Variants in STN1 observed in about 807,000 individuals in gnomAD.
STN1 encodes the protein CST complex subunit STN1.
STN1 carries 29 observed loss-of-function variants against 45.5 expected under a neutral mutation model. The ratio of observed to expected loss-of-function variants is 0.64; its 90% CI spans 0.47 to 0.87. The LOEUF (loss-of-function observed/expected upper bound fraction) is 0.87, where lower values mean the gene tolerates loss of function less well. Among genes scored for constraint, STN1 ranks in the 40% least tolerant of loss-of-function variants. The pLI, the probability that STN1 is intolerant of heterozygous loss-of-function variation, is 0.00. For synonymous variants in STN1, 148 were observed against 159.0 expected (o/e 0.93, Z 0.52); for missense variants, 376 against 441.4 (o/e 0.85, Z 1.33).
At chr10:103,887,177 T>A (rs544178989) in intron 9 of STN1, among the ~76,000 whole-genome samples, 72 of 152,354 alleles carry the variant, frequency 4.7e-4, no homozygotes, top group African/African-American at 1.7e-3. Context: ...TGTAACAGCA[T>A]GCTGTCCAGC....
At chr10:103,888,973 G>A (rs929309651) in intron 9 of STN1, 99 bp downstream of exon 9, 5 of 816,474 alleles carry the variant, frequency 6.1e-6, no homozygotes, top group Non-Finnish European at 8.4e-6. Context: ...TCACTACTGG[G>A]AAAAGTCCCG....
At chr10:103,890,758 A>C (rs1190008975) in intron 8 of STN1, among the ~76,000 whole-genome samples, 2 of 152,242 alleles carry the variant, frequency 1.3e-5, no homozygotes, top group Non-Finnish European at 2.9e-5. Flanking sequence ...ATCTCTCTAA[A>C]GAGGGGAGTC....
At position 103,900,052 on chromosome 10, in the gene STN1, T is replaced by C. The variant is rs1437465339; in HGVS notation, c.457+10A>G. 1 of 1,612,766 alleles carries C rather than the reference T, an allele frequency of 6.2e-7. No individual in the cohort carries two copies. Among genetic ancestry groups the C allele is most frequent in the Non-Finnish European group, 8.5e-7 (1 of 1,179,170 alleles). On this transcript the variant is annotated intron_variant, in intron 5 of 9. Coordinates refer to ENST00000224950, the MANE Select transcript of STN1 (RefSeq NM_024928.5). The stretch of plus-strand genomic sequence containing the variant: ...AAACCACCAATTTGGTAGAAATATC[T>C]TGTGCTTACAGTAAGTGGTGGCATG...
At chr10:103,897,996 C>A (rs958823340) in intron 6 of STN1, among the ~76,000 whole-genome samples, 2 of 151,992 alleles carry the variant, frequency 1.3e-5, no homozygotes, top group Non-Finnish European at 2.9e-5. Context: ...AAAATGGAAA[C>A]CCACAAAATC....
chr10:103,915,302 A>C (rs1589504599), intron 2 of STN1, among the ~76,000 whole-genome samples: 1 of 152,288 alleles, frequency 6.6e-6, no homozygotes. Flanking sequence ...CCCTTCCCAA[A>C]GGGTCAGACT....
chr10:103,908,115 C>T (rs948380940), intron 3 of STN1, among the ~76,000 whole-genome samples: 49 of 139,192 alleles, frequency 3.5e-4, no homozygotes, highest in Middle Eastern at 3.6e-3. Flanking sequence ...GGCCACAGAG[C>T]GAGACTCCAT....
chr10:103,895,973 C>T (rs754181312), intron 7 of STN1, among the ~76,000 whole-genome samples: 11 of 152,110 alleles, frequency 7.2e-5, no homozygotes, highest in South Asian at 2.1e-4. Flanking sequence ...TAGTATACTA[C>T]GCCATGCTAC....
intron 2 of STN1, among the ~76,000 whole-genome samples, chr10:103,912,048 G>A (rs1451260070): frequency 6.6e-6 from 1 of 152,074 alleles, no homozygotes; most frequent in African/African-American, 2.4e-5. Context: ...GTTGGAGATT[G>A]TCCTCAGGAC....
rs1843068354 is a variant in STN1, at chr10:103,881,477, G to C, written c.*1207C>G. Among the ~76,000 whole-genome samples the C allele has an allele frequency of 6.6e-6, 1 of 152,180 alleles. No individual in the cohort carries two copies. Among genetic ancestry groups the C allele is most frequent in the Admixed American group, 6.5e-5 (1 of 15,288 alleles). On this transcript the variant is annotated 3_prime_UTR_variant, in exon 10 of 10. Coordinates refer to ENST00000224950, the MANE Select transcript of STN1 (RefSeq NM_024928.5). ...ATAATCACTGTTAGAAATCAGCAAA[G>C]GTTTGCATCATTACAAAAGTCTATG... is the stretch of plus-strand genomic sequence containing the variant.
intron 9 of STN1, among the ~76,000 whole-genome samples, chr10:103,886,922 C>T (rs574578692): frequency 2.0e-5 from 3 of 152,332 alleles, no homozygotes; most frequent in African/African-American, 4.8e-5. Context: ...CTCACAATGC[C>T]GCCACATTGC....
intron 3 of STN1, among the ~76,000 whole-genome samples, chr10:103,907,409 A>G (rs765577345): frequency 2.6e-5 from 4 of 152,252 alleles, no homozygotes; most frequent in Non-Finnish European, 4.4e-5. Context: ...GACAGAAATG[A>G]TTTTAAGACT....
chr10:103,903,088 C>T (rs1843219784), intron 4 of STN1, among the ~76,000 whole-genome samples: 1 of 152,162 alleles, frequency 6.6e-6, no homozygotes, highest in Admixed American at 6.5e-5. Context: ...CAGGGGTCTG[C>T]AAACTATAGC....
chr10:103,909,943 A>G (rs1308998757), intron 3 of STN1, among the ~76,000 whole-genome samples: 2 of 152,244 alleles, frequency 1.3e-5, no homozygotes, highest in African/African-American at 4.8e-5. Context: ...AAGACCTATT[A>G]CACTAAAATC....
At chr10:103,911,731 T>G (rs970379504) in intron 2 of STN1, among the ~76,000 whole-genome samples, 3 of 152,230 alleles carry the variant, frequency 2.0e-5, no homozygotes, top group African/African-American at 7.2e-5. Flanking sequence ...CCTCAGGCAT[T>G]TGGCCATTCT....
intron 2 of STN1, among the ~76,000 whole-genome samples, chr10:103,913,142 G>A (rs1274215666): frequency 6.6e-6 from 1 of 152,214 alleles, no homozygotes; most frequent in Non-Finnish European, 1.5e-5. Context: ...TGGAACAAAA[G>A]GTATTCTTCC....
chr10:103,890,773 G>C (rs1445332406), intron 8 of STN1, among the ~76,000 whole-genome samples: 2 of 152,196 alleles, frequency 1.3e-5, no homozygotes, highest in Non-Finnish European at 2.9e-5. Context: ...GGAGTCACTA[G>C]GGTAAATCAA....
At chr10:103,885,237 A>C (rs1843095933) in intron 9 of STN1, among the ~76,000 whole-genome samples, 1 of 152,210 alleles carries the variant, frequency 6.6e-6, no homozygotes, top group Admixed American at 6.5e-5. Context: ...CAAGAAGAAA[A>C]GCCTCTCAAG....
intron 8 of STN1, among the ~76,000 whole-genome samples, chr10:103,891,385 G>A (rs1041999104): frequency 1.3e-5 from 2 of 152,202 alleles, no homozygotes; most frequent in South Asian, 2.1e-4. Context: ...AAGGTACAGA[G>A]CATTATTTAG....
intron 2 of STN1, among the ~76,000 whole-genome samples, chr10:103,911,793 G>A (rs375897143): frequency 1.3e-5 from 2 of 152,208 alleles, no homozygotes; most frequent in East Asian, 1.9e-4. Context: ...TTCATGGGGG[G>A]ACCTGTGGCC....
Sources: gnomAD v4.1 joint callset for allele counts (sites outside exome capture counted in the v4.1 genomes callset) on GRCh38, gnomAD v4.1.1 for gene constraint, MANE v1.5 for transcripts, NCBI Gene and HGNC (gene_info 2026-07-23, HGNC 2026-07-21) for gene names.